C16orf96: variants seen among roughly 807,000 people sequenced by gnomAD.
C16orf96 encodes chromosome 16 open reading frame 96.
In C16orf96, 108 loss-of-function variants were observed where a neutral mutation model predicts 103.6. That is an observed-to-expected ratio of 1.04 (90% CI 0.89 to 1.22). C16orf96 has a LOEUF of 1.22. C16orf96 is among the 50% of genes most tolerant of loss of function. The probability of loss-of-function intolerance (pLI) is 0.00; values close to 1 mark genes in which losing one functional copy is unlikely to be tolerated. For synonymous variants in C16orf96, 566 were observed against 593.5 expected (o/e 0.95, Z 0.67); for missense variants, 1,586 against 1,464.2 (o/e 1.08, Z -1.36).
intron 14 of C16orf96, 24 bp downstream of exon 14, chr16:4,594,827 G>C: frequency 6.5e-7 from 1 of 1,547,474 alleles, no homozygotes; most frequent in Non-Finnish European, 8.7e-7. Context: ...GGCTCCCTGG[G>C]GCACCCTTGC....
the C16orf96 span, among the ~76,000 whole-genome samples, chr16:4,546,720 T>A: frequency 1.3e-5 from 2 of 151,278 alleles, no homozygotes; most frequent in East Asian, 2.0e-4. Context: ...CCCATCTTAG[T>A]TAGCCTCCTA....
At chr16:4,586,107 A>C (rs1896921754) in intron 7 of C16orf96, among the ~76,000 whole-genome samples, 1 of 152,030 alleles carries the variant, frequency 6.6e-6, no homozygotes, top group South Asian at 2.1e-4. Context: ...TAAAAATACA[A>C]AACTTAGCCA....
At chr16:4,579,433 A>G (rs12933836) in intron 6 of C16orf96, among the ~76,000 whole-genome samples, 101,822 of 151,518 alleles carry the variant, frequency 0.67, 37,144 homozygotes, top group East Asian at 0.87. Flanking sequence ...TTGTCCCTAC[A>G]GTCCCAACTA....
the C16orf96 span, among the ~76,000 whole-genome samples, chr16:4,541,378 G>A: frequency 6.6e-6 from 1 of 152,076 alleles, no homozygotes; most frequent in African/African-American, 2.4e-5. Flanking sequence ...TTCATTCATG[G>A]ACATAACGAT....
At chr16:4,581,249 C>T (rs1335591805) in intron 7 of C16orf96, among the ~76,000 whole-genome samples, 3 of 144,850 alleles carry the variant, frequency 2.1e-5, no homozygotes, top group Non-Finnish European at 4.5e-5. Context: ...GCAGGAGAAT[C>T]GCTTGAACCC....
chr16:4,542,813 A>G, the C16orf96 span, among the ~76,000 whole-genome samples: 4 of 152,230 alleles, frequency 2.6e-5, no homozygotes, highest in South Asian at 2.1e-4. Flanking sequence ...AAAATTATCA[A>G]TGATATATTT....
Position 4,593,653 on chromosome 16 carries a change from T to C in C16orf96, c.2867+337T>C, listed in dbSNP as rs763005575. On this transcript the variant is annotated intron_variant, in intron 12 of 15. Coordinates refer to ENST00000444310, the MANE Select transcript of C16orf96 (RefSeq NM_001145011.2). This position sits in a 1 kb window ranked among gnomAD's most constrained non-coding sequence, Gnocchi z 4.2. The stretch of plus-strand genomic sequence containing the variant: ...TCTTGGCGGAGGGAATCGGTGATGA[T>C]GGGGAACCCTCAGGGAGCCGCTGCT... Among the ~76,000 whole-genome samples, 1 of 152,094 alleles carries C rather than the reference T, an allele frequency of 6.6e-6. No individual in the cohort carries two copies. The highest frequency in any genetic ancestry group is 1.5e-5 in the Non-Finnish European group (1 of 68,016).
At chr16:4,557,268 C>G (rs902763484) in intron 1 of C16orf96, among the ~76,000 whole-genome samples, 1 of 152,160 alleles carries the variant, frequency 6.6e-6, no homozygotes, top group African/African-American at 2.4e-5. Flanking sequence ...CTGCGCCCAG[C>G]CTTCTCCTGG....
intron 1 of C16orf96, among the ~76,000 whole-genome samples, chr16:4,566,988 A>T (rs2059390085): frequency 6.6e-6 from 1 of 151,332 alleles, no homozygotes; most frequent in African/African-American, 2.4e-5. Flanking sequence ...CTATTTTTTT[A>T]TCCTCTATTT....
chr16:4,541,155 G>A, the C16orf96 span, among the ~76,000 whole-genome samples: 1 of 151,630 alleles, frequency 6.6e-6, no homozygotes, highest in South Asian at 2.1e-4. Context: ...CTCGTGATCC[G>A]CCCGCCTCTG....
At chr16:4,581,868 A>C (rs2059592904) in intron 7 of C16orf96, among the ~76,000 whole-genome samples, 1 of 151,926 alleles carries the variant, frequency 6.6e-6, no homozygotes, top group Non-Finnish European at 1.5e-5. Flanking sequence ...AGGTGGGAGG[A>C]TTGCTTCAGC....
chr16:4,576,627 G>C lies in C16orf96; in HGVS notation c.2147G>C (p.Ser716Thr). The C allele has an allele frequency of 6.4e-7, 1 of 1,550,420 alleles. No individual in the cohort carries two copies. The highest frequency in any genetic ancestry group is 8.7e-7 in the Non-Finnish European group (1 of 1,146,398). ...TCCTGTAACCTGAACCAGCGCTTGA[G>C]TTATCTAGGTAGGCCTGGTCTGGCC... ...QLSCNLNQRLSYLANMGGPSS... is the reference protein window; with the variant it reads ...QLSCNLNQRLTYLANMGGPSS... Residue 716 changes from serine to threonine, a missense_variant, in exon 5 of 16, where the codon AGT becomes ACT. Coordinates refer to ENST00000444310, the MANE Select transcript of C16orf96 (RefSeq NM_001145011.2).
At chr16:4,587,159 G>A in intron 8 of C16orf96, 46 bp downstream of exon 8, 1 of 1,502,250 alleles carries the variant, frequency 6.7e-7, no homozygotes, top group Non-Finnish European at 9.1e-7. Flanking sequence ...CCCTACCCAG[G>A]GAAACGGCAC....
At chr16:4,577,874 T>G (rs1197494395) in intron 5 of C16orf96, among the ~76,000 whole-genome samples, 1 of 152,222 alleles carries the variant, frequency 6.6e-6, no homozygotes, top group East Asian at 1.9e-4. Flanking sequence ...GAGAAACACT[T>G]TGAACCCGGG....
chr16:4,587,664 G>T (rs1896961271), intron 8 of C16orf96, among the ~76,000 whole-genome samples: 1 of 152,066 alleles, frequency 6.6e-6, no homozygotes, highest in Non-Finnish European at 1.5e-5. Context: ...TGTGCACAGG[G>T]TGGCTCATAC....
chr16:4,580,311 C>CA (rs1555506250), intron 7 of C16orf96, among the ~76,000 whole-genome samples, 186 bp downstream of exon 7: 2 of 22,268 alleles, frequency 9.0e-5, no homozygotes, highest in African/African-American at 1.4e-4. Context: ...AATCCCACCA[C>CA]CCCCCCCCAC....
At chr16:4,551,443 G>C (rs763842394), upstream of C16orf96, among the ~76,000 whole-genome samples, 3 of 151,952 alleles carry the variant, frequency 2.0e-5, no homozygotes, top group African/African-American at 7.3e-5. Context: ...ACTCCATTTC[G>C]GGACTTTTGT....
At position 4,575,603 on chromosome 16, in the gene C16orf96, G is replaced by C; in HGVS notation, c.1123G>C (p.Ala375Pro). The stretch of plus-strand genomic sequence containing the variant: ...TTGGCCTGTGCTTGGACCTGTGCCT[G>C]CCCCAGGTGCCCAGCCTCCACCACT... Reference protein sequence around the residue: ...APWPVLGPVPAPGAQPPPLGD... With the variant: ...APWPVLGPVPPPGAQPPPLGD... Residue 375 changes from alanine (A) to proline (P), a missense_variant, in exon 5 of 16, where the codon GCC becomes CCC. Physicochemically the swap from Ala to Pro is conservative, Grantham distance 27. Coordinates refer to ENST00000444310, the MANE Select transcript of C16orf96 (RefSeq NM_001145011.2). The C allele has an allele frequency of 6.6e-7, 1 of 1,511,156 alleles. No individual in the cohort carries two copies. Among genetic ancestry groups the C allele is most frequent in the Non-Finnish European group, 8.9e-7 (1 of 1,129,850 alleles). 93.6% of individuals were successfully genotyped at this position (1,511,156 alleles called of 1,614,324 possible). A position where few individuals can be genotyped will look rare whatever the true frequency, so the allele number is the denominator to read the frequency against.
the C16orf96 span, among the ~76,000 whole-genome samples, chr16:4,548,765 C>T: frequency 4.5e-4 from 68 of 151,230 alleles, no homozygotes; most frequent in African/African-American, 1.6e-3. Flanking sequence ...CCCAGCTACT[C>T]GGGAGGCTGA....
Sources: gnomAD v4.1 joint callset for allele counts (sites outside exome capture counted in the v4.1 genomes callset) on GRCh38, gnomAD v4.1.1 for gene constraint, Gnocchi (gnomAD v3.1) non-coding constraint, MANE v1.5 for transcripts, NCBI Gene and HGNC (gene_info 2026-07-23, HGNC 2026-07-21) for gene names.